The following SEMA3D variants were observed in gnomAD, a reference collection of about 807,000 sequenced individuals.
SEMA3D encodes the protein semaphorin 3D.
In SEMA3D, 84 loss-of-function variants were observed where a neutral mutation model predicts 100.1. That is an observed-to-expected ratio of 0.84 (90% CI 0.70 to 1.01). The LOEUF (loss-of-function observed/expected upper bound fraction) is 1.01. Among genes scored for constraint, SEMA3D ranks in the 50% least tolerant of loss-of-function variants. SEMA3D has a pLI of 0.00. For synonymous variants in SEMA3D, 312 were observed against 320.7 expected (o/e 0.97, Z 0.29); for missense variants, 875 against 934.1 (o/e 0.94, Z 0.82).
intron 2 of SEMA3D, among the ~76,000 whole-genome samples, chr7:85,128,402 C>A (rs1789626257): frequency 6.6e-6 from 1 of 152,080 alleles, no homozygotes. Context: ...AGTTCCTGAC[C>A]TCGTGATCCA....
intron 1 of SEMA3D, chr7:85,159,927 C>T: frequency 3.0e-6 from 3 of 984,926 alleles, no homozygotes; most frequent in South Asian, 4.7e-5. Context: ...GAGAGAATGA[C>T]CAACTAGTGT....
Position 85,186,743 on chromosome 7 carries a change from G to A in SEMA3D, c.-238C>T, listed in dbSNP as rs1791565799. ...CTTTTCAGGGAGAGGGGAACGGGAT[G>A]CAGGCTGAGGTCCAGCGGCGCGGCA... On this transcript the variant is annotated 5_prime_UTR_variant, in exon 1 of 19. Coordinates refer to ENST00000284136, the MANE Select transcript of SEMA3D (RefSeq NM_001384900.1). 6.6e-6 allele frequency: 1 copy of A among 152,294 alleles called. No individual in the cohort carries two copies. Among genetic ancestry groups the A allele is most frequent in the African/African-American group, 2.4e-5 (1 of 41,450 alleles). The allele number at this position is 152,294 out of a possible 1,614,324, so 9.4% of individuals were successfully genotyped here.
At chr7:85,119,514 G>GA (rs770247910) in intron 3 of SEMA3D, among the ~76,000 whole-genome samples, 1 of 151,970 alleles carries the variant, frequency 6.6e-6, no homozygotes, top group African/African-American at 2.4e-5. Context: ...TAATGGAGGG[G>GA]AAAAAATACT....
chr7:85,017,559 T>C (rs1388129713), intron 15 of SEMA3D, among the ~76,000 whole-genome samples: 1 of 151,832 alleles, frequency 6.6e-6, no homozygotes, highest in Admixed American at 6.6e-5. Context: ...ACCTTGATGT[T>C]GAACATGTCA....
chr7:85,111,126 T>C (rs1014634391), intron 3 of SEMA3D, among the ~76,000 whole-genome samples: 1 of 152,080 alleles, frequency 6.6e-6, no homozygotes, highest in Non-Finnish European at 1.5e-5. Flanking sequence ...CAGTTAATTC[T>C]TCCTTTCTCT....
At chr7:85,201,835 C>T in the SEMA3D span, among the ~76,000 whole-genome samples, 7 of 151,958 alleles carry the variant, frequency 4.6e-5, no homozygotes, top group South Asian at 1.5e-3. Flanking sequence ...CAACCATCCT[C>T]CTGCCTTAGC....
the SEMA3D span, among the ~76,000 whole-genome samples, chr7:85,221,057 A>G: frequency 2.0e-5 from 3 of 152,078 alleles, no homozygotes; most frequent in African/African-American, 7.2e-5. Flanking sequence ...TCAAGCAGGC[A>G]TGTGCTCCAA....
chr7:85,011,013 A>G (rs1221847469), intron 17 of SEMA3D, among the ~76,000 whole-genome samples: 1 of 151,812 alleles, frequency 6.6e-6, no homozygotes, highest in Admixed American at 6.6e-5. Flanking sequence ...ACAAGGGCAC[A>G]TAGGTATGCT....
intron 18 of SEMA3D, among the ~76,000 whole-genome samples, chr7:85,000,148 T>C (rs1024538423): frequency 3.9e-5 from 6 of 152,080 alleles, no homozygotes; most frequent in African/African-American, 1.2e-4. Context: ...AATATGCAGA[T>C]AGGAATGAAA....
chr7:85,073,135 T>C (rs746777557), intron 5 of SEMA3D, 54 bp from the exon 6 acceptor site: 19 of 1,524,462 alleles, frequency 1.2e-5, no homozygotes, highest in Non-Finnish European at 1.6e-5. Flanking sequence ...TTTTGAAATA[T>C]TATCATTTAT....
the SEMA3D span, among the ~76,000 whole-genome samples, chr7:85,214,034 T>C: frequency 6.6e-6 from 1 of 152,150 alleles, no homozygotes; most frequent in African/African-American, 2.4e-5. Flanking sequence ...TATAAACCCA[T>C]AAACGTGCAC....
intron 9 of SEMA3D, among the ~76,000 whole-genome samples, chr7:85,050,120 C>G (rs73713934): frequency 0.026 from 3,626 of 139,794 alleles, 106 homozygotes; most frequent in African/African-American, 0.079. Context: ...CACACACACA[C>G]AGAGACAGAG....
the SEMA3D span, among the ~76,000 whole-genome samples, chr7:85,246,765 T>C: frequency 6.6e-6 from 1 of 151,910 alleles, no homozygotes; most frequent in Non-Finnish European, 1.5e-5. Context: ...CTTTGGTAGG[T>C]AACCTAAAGA....
chr7:85,228,051 G>A, the SEMA3D span, among the ~76,000 whole-genome samples: 2 of 152,072 alleles, frequency 1.3e-5, no homozygotes, highest in African/African-American at 2.4e-5. Context: ...TGTTATCAAA[G>A]TATATGACAT....
At chr7:85,204,358 A>AAAAGC in the SEMA3D span, among the ~76,000 whole-genome samples, 3 of 151,668 alleles carry the variant, frequency 2.0e-5, no homozygotes, top group Admixed American at 2.0e-4. Flanking sequence ...AAAAAAAAAA[A>AAAAGC]AAAGCACCAG....
At chr7:85,241,378 G>A in the SEMA3D span, among the ~76,000 whole-genome samples, 1 of 150,214 alleles carries the variant, frequency 6.7e-6, no homozygotes, top group Admixed American at 6.7e-5. Flanking sequence ...GCACAAGCTT[G>A]TTTATAGTAG....
At chr7:85,241,473 A>G in the SEMA3D span, among the ~76,000 whole-genome samples, 1,433 of 133,308 alleles carry the variant, frequency 0.011, 130 homozygotes, top group African/African-American at 0.028. Flanking sequence ...GTGTGTATAT[A>G]TATATATATA....
intron 3 of SEMA3D, among the ~76,000 whole-genome samples, chr7:85,108,841 T>G (rs894119987): frequency 2.0e-5 from 3 of 152,002 alleles, no homozygotes; most frequent in Non-Finnish European, 4.4e-5. Flanking sequence ...AAGTGATCAA[T>G]GACCTGTTTA....
chr7:85,240,723 T>G, the SEMA3D span, among the ~76,000 whole-genome samples: 1 of 152,302 alleles, frequency 6.6e-6, no homozygotes, highest in South Asian at 2.1e-4. Flanking sequence ...TGGCAGATAA[T>G]TATGTCTTTC....
Sources: gnomAD v4.1 joint callset for allele counts (sites outside exome capture counted in the v4.1 genomes callset) on GRCh38, gnomAD v4.1.1 for gene constraint, MANE v1.5 for transcripts, NCBI Gene and HGNC (gene_info 2026-07-23, HGNC 2026-07-21) for gene names.